SOBP: variants seen among roughly 807,000 people sequenced by gnomAD.
The protein encoded by SOBP is sine oculis-binding protein homolog.
In SOBP, 4 loss-of-function variants were observed where a neutral mutation model predicts 53.6. The observed-to-expected ratio is 0.07, with a 90% CI of 0.04 to 0.17. The LOEUF (loss-of-function observed/expected upper bound fraction) is 0.17. Among genes scored for constraint, SOBP ranks in the 10% least tolerant of loss-of-function variants. SOBP has a pLI of 1.00. For synonymous variants in SOBP, 584 were observed against 522.6 expected, an observed-to-expected ratio of 1.12 and a Z score of -1.60; for missense variants, 1,088 against 1,204.7, an observed-to-expected ratio of 0.90 and a Z score of 1.43.
intron 5 of SOBP, among the ~76,000 whole-genome samples, chr6:107,631,215 AT>A (rs1257846181): frequency 6.6e-6 from 1 of 152,260 alleles, no homozygotes; most frequent in Non-Finnish European, 1.5e-5. Context: ...TGGCTAAAAA[AT>A]AAGATCCAAA....
intron 5 of SOBP, among the ~76,000 whole-genome samples, chr6:107,609,355 A>G (rs1263305111): frequency 6.6e-6 from 1 of 152,170 alleles, no homozygotes. Context: ...CACTTCAGAG[A>G]GGTATGTATA....
At chr6:107,522,894 GGAGGTGA>G (rs1287641794) in intron 3 of SOBP, among the ~76,000 whole-genome samples, 1 of 152,060 alleles carries the variant, frequency 6.6e-6, no homozygotes, top group Non-Finnish European at 1.5e-5. Flanking sequence ...GTGGGAGGTG[GGAGGTGA>G]GAGGTGAGAG....
intron 5 of SOBP, among the ~76,000 whole-genome samples, chr6:107,590,772 T>C (rs1014568271): frequency 6.6e-6 from 1 of 152,204 alleles, no homozygotes; most frequent in African/African-American, 2.4e-5. Flanking sequence ...CTTAGGCTAT[T>C]TTTCTGTGGG....
chr6:107,522,908 A>G (rs1312230653), intron 3 of SOBP, among the ~76,000 whole-genome samples: 1 of 152,008 alleles, frequency 6.6e-6, no homozygotes, highest in Admixed American at 6.6e-5. Context: ...GTGAGAGGTG[A>G]GAGGGAGAGA....
rs1378168270 is a variant in SOBP, at chr6:107,659,715, AC to A, written c.*1514del. ...GACGGTGTGGCGCCAGCCTTGAAGC[AC>A]CACGGCCCAAGGATGCGGTGTACAT... On this transcript the variant is annotated 3_prime_UTR_variant, in exon 7 of 7. Transcript: ENST00000317357. 6.5e-6 allele frequency: 1 copy of A among 152,740 alleles called. No individual in the cohort carries two copies. The highest frequency in any genetic ancestry group is 1.9e-4 in the East Asian group (1 of 5,196). The allele number at this position is 152,740 out of a possible 1,614,324, so 9.5% of individuals were successfully genotyped here. A position where few individuals can be genotyped will look rare whatever the true frequency, so the allele number is the denominator to read the frequency against.
chr6:107,543,647 C>G (rs1305717369), intron 4 of SOBP, among the ~76,000 whole-genome samples: 1 of 152,126 alleles, frequency 6.6e-6, no homozygotes, highest in Non-Finnish European at 1.5e-5. Flanking sequence ...AGCAAATGCC[C>G]TCTAGAGAGA....
chr6:107,506,355 G>A lies in SOBP; in HGVS notation c.349G>A (p.Gly117Arg). The change falls in exon 3 of 7, where the codon GGG becomes AGG. Residue 117 changes from glycine (G) to arginine (R), a missense_variant. Transcript: ENST00000317357. ...TGNGLSDSPAGSKDHGSVPII... is the reference protein window; with the variant it reads ...TGNGLSDSPARSKDHGSVPII... The stretch of plus-strand genomic sequence containing the variant: ...AAATGGACTCAGTGACTCACCTGCA[G>A]GGTCAAAGGATCATGGCAGTGTGCC... 1 of 1,614,198 alleles carries A rather than the reference G, an allele frequency of 6.2e-7. No individual in the cohort carries two copies. The highest frequency in any genetic ancestry group is 1.6e-4 in the Middle Eastern group (1 of 6,062).
intron 6 of SOBP, among the ~76,000 whole-genome samples, chr6:107,636,940 AGT>A (rs1453867630): frequency 6.6e-6 from 1 of 152,186 alleles, no homozygotes; most frequent in African/African-American, 2.4e-5. Flanking sequence ...AAATTAGCAG[AGT>A]TGAGATGCAA....
At chr6:107,616,051 A>T (rs1490276903) in intron 5 of SOBP, among the ~76,000 whole-genome samples, 1 of 117,000 alleles carries the variant, frequency 8.5e-6, no homozygotes, top group Non-Finnish European at 1.7e-5. Context: ...AAAAAAGAAA[A>T]AAAAAGGATG....
chr6:107,534,477 G>C (rs1200934534), intron 4 of SOBP, among the ~76,000 whole-genome samples: 3 of 152,074 alleles, frequency 2.0e-5, no homozygotes, highest in Admixed American at 6.5e-5. Context: ...TACTAAAATT[G>C]TCCACATTTT....
chr6:107,588,121 T>C (rs1785623735), intron 5 of SOBP, among the ~76,000 whole-genome samples: 1 of 152,254 alleles, frequency 6.6e-6, no homozygotes, highest in Admixed American at 6.5e-5. Flanking sequence ...GGTAGTCTAA[T>C]TTCTGTTTAG....
At chr6:107,609,393 A>G (rs1287431014) in intron 5 of SOBP, among the ~76,000 whole-genome samples, 1 of 152,190 alleles carries the variant, frequency 6.6e-6, no homozygotes, top group Non-Finnish European at 1.5e-5. Context: ...GGATTTTATA[A>G]TAATAGCCCT....
intron 4 of SOBP, among the ~76,000 whole-genome samples, chr6:107,576,053 C>A (rs1018526330): frequency 6.6e-6 from 1 of 152,196 alleles, no homozygotes; most frequent in Non-Finnish European, 1.5e-5. Context: ...TTGGTCCTGG[C>A]TTTGGAGGCA....
chr6:107,556,174 G>A (rs1784604390), intron 4 of SOBP, among the ~76,000 whole-genome samples: 1 of 152,188 alleles, frequency 6.6e-6, no homozygotes, highest in Non-Finnish European at 1.5e-5. Context: ...TAATAGGGAT[G>A]TTATAAAGGG....
chr6:107,592,708 A>G (rs182110612), intron 5 of SOBP, among the ~76,000 whole-genome samples: 181 of 152,352 alleles, frequency 1.2e-3, no homozygotes, highest in African/African-American at 4.2e-3. Flanking sequence ...TCACTGCAAT[A>G]GCCCCACAAG....
chr6:107,634,610 A>G lies in SOBP; in HGVS notation c.1766A>G (p.Gln589Arg), dbSNP rs1251644397. ...GHSLSPRDSK[Q>R]GSSKSADSPP... ...TCCCTGTCCCCCCGGGACTCCAAGC[A>G]GGGCTCGTCCAAGTCCGCGGACTCG... The change falls in exon 6 of 7, where the codon CAG becomes CGG. Residue 589 changes from glutamine to arginine, a missense_variant. This residue lies in a region of SOBP where 665 missense variants were observed against 629.7 expected (regional missense o/e 1.06). Transcript: ENST00000317357. This position sits in a 1 kb window ranked among gnomAD's most constrained non-coding sequence, Gnocchi z 4.5. 3.1e-6 allele frequency: 5 copies of G among 1,598,364 alleles called. No individual in the cohort carries two copies. The highest frequency in any genetic ancestry group is 2.7e-5 in the African/African-American group (2 of 74,696).
chr6:107,570,143 C>A (rs1234442750), intron 4 of SOBP, among the ~76,000 whole-genome samples: 3 of 152,164 alleles, frequency 2.0e-5, no homozygotes, highest in South Asian at 2.1e-4. Context: ...TTTTTTCCTT[C>A]CCCTTACACA....
Position 107,634,695 on chromosome 6 carries a change from G to A in SOBP, c.1851G>A (p.Arg617=), listed in dbSNP as rs777993915. 1.9e-5 allele frequency: 29 copies of A among 1,515,246 alleles called. No homozygotes were observed. The East Asian group carries it at 7.5e-4, about 39-fold the overall frequency. 93.9% of individuals were successfully genotyped at this position (1,515,246 alleles called of 1,614,324 possible). ...CGCCCACGCCCGCCGAGCATGGCCG[G>A]AGCGAGGTGGTGGACCTGACGCGGC... The part of the protein sequence containing the change: ...SLAPTPAEHG[R]SEVVDLTRRA... The change falls in exon 6 of 7, where the codon CGG becomes CGA. Residue 617 remains arginine, a synonymous_variant. Transcript: ENST00000317357. The surrounding 1 kb of genome is among the most constrained non-coding windows in gnomAD (Gnocchi z 4.5).
chr6:107,569,314 T>C (rs543546567), intron 4 of SOBP, among the ~76,000 whole-genome samples: 25 of 152,278 alleles, frequency 1.6e-4, no homozygotes, highest in Middle Eastern at 3.4e-3. Context: ...ATCTGAGAAA[T>C]TTTGCTGAAA....
Sources: allele counts gnomAD v4.1 joint callset (sites outside exome capture counted in the v4.1 genomes callset), GRCh38; gene constraint gnomAD v4.1.1; regional missense constraint gnomAD v4.1.1; non-coding constraint Gnocchi (gnomAD v3.1); transcripts MANE v1.5; gene names NCBI Gene and HGNC (gene_info 2026-07-23, HGNC 2026-07-21).